Variants in OSBPL9 observed in about 807,000 individuals in gnomAD.
OSBPL9 encodes oxysterol-binding protein-related protein 9.
Under a neutral mutation model 106.6 loss-of-function variants are expected in OSBPL9, and 40 were observed. The ratio of observed to expected loss-of-function variants is 0.38; its 90% CI spans 0.29 to 0.49. OSBPL9 has a LOEUF of 0.49. Ranked by LOEUF, OSBPL9 falls within the 20% of genes least tolerant of loss-of-function variation. The pLI is 0.97. For synonymous variants in OSBPL9, 269 were observed against 295.4 expected (o/e 0.91, Z 0.92); for missense variants, 609 against 887.2 (o/e 0.69, Z 3.98).
the OSBPL9 span, among the ~76,000 whole-genome samples, chr1:51,527,398 T>TA: frequency 6.6e-6 from 1 of 152,014 alleles, no homozygotes; most frequent in Non-Finnish European, 1.5e-5. Flanking sequence ...TTATCTTTTT[T>TA]AAAAAATTTT....
intron 4 of OSBPL9, among the ~76,000 whole-genome samples, chr1:51,727,331 T>A (rs1365160460): frequency 6.6e-6 from 1 of 152,204 alleles, no homozygotes. Context: ...GTTTATAGTT[T>A]ATTGTTATTT....
the OSBPL9 span, among the ~76,000 whole-genome samples, chr1:51,536,657 C>T: frequency 6.6e-6 from 1 of 152,120 alleles, no homozygotes; most frequent in Non-Finnish European, 1.5e-5. Flanking sequence ...TAGAATAGTT[C>T]CCCAGTCTTT....
chr1:51,651,690 T>C (rs1165932094), intron 1 of OSBPL9, among the ~76,000 whole-genome samples: 1 of 152,088 alleles, frequency 6.6e-6, no homozygotes, highest in Non-Finnish European at 1.5e-5. Context: ...TCTGACTCTC[T>C]AAAGTATGAG....
At chr1:51,586,135 C>T (rs1488886549) in intron 1 of OSBPL9, among the ~76,000 whole-genome samples, 50 of 151,866 alleles carry the variant, frequency 3.3e-4, no homozygotes, top group Non-Finnish European at 1.6e-4. Flanking sequence ...GATCGTGCCA[C>T]TGCACTCCAG....
upstream of OSBPL9, chr1:51,614,548 T>C (rs1644011293): frequency 6.6e-6 from 1 of 152,146 alleles, no homozygotes; most frequent in Non-Finnish European, 1.5e-5. Flanking sequence ...GAAGCGATTC[T>C]CCCACCTCAA....
At chr1:51,547,787 G>A in the OSBPL9 span, among the ~76,000 whole-genome samples, 1 of 152,004 alleles carries the variant, frequency 6.6e-6, no homozygotes, top group African/African-American at 2.4e-5. Flanking sequence ...GGAGGTCGAA[G>A]CTGCAGGGAG....
In OSBPL9 at chr1:51,697,684, G is replaced by A. The variant is rs138507660; in HGVS notation, c.242-16319G>A. 3.6e-3 allele frequency among the ~76,000 whole-genome samples: 544 copies of A among 151,456 alleles called. 4 individuals carry two copies. The highest frequency in any genetic ancestry group is 0.012 in the African/African-American group (500 of 41,226). ...TTAGGTTGTGTGAGTTACGCTGGAA[G>A]AGTGAAATCTTTTGAATAACTTCAT... On this transcript the variant is annotated intron_variant, in intron 3 of 23. Coordinates refer to ENST00000428468, the MANE Select transcript of OSBPL9 (RefSeq NM_024586.6).
intron 4 of OSBPL9, among the ~76,000 whole-genome samples, chr1:51,735,976 A>G (rs906316322): frequency 4.6e-5 from 7 of 152,176 alleles, no homozygotes; most frequent in East Asian, 1.9e-4. Context: ...AAATAACTCT[A>G]TGAGTTATTT....
At chr1:51,684,598 T>G (rs1256774868) in intron 3 of OSBPL9, among the ~76,000 whole-genome samples, 1 of 150,124 alleles carries the variant, frequency 6.7e-6, no homozygotes, top group African/African-American at 2.5e-5. Context: ...TGGCATGATC[T>G]TGGCTCACTG....
chr1:51,622,146 TG>T (rs1360938564), intron 1 of OSBPL9, among the ~76,000 whole-genome samples: 2 of 152,158 alleles, frequency 1.3e-5, no homozygotes, highest in Non-Finnish European at 2.9e-5. Flanking sequence ...CAGCTTGAGC[TG>T]GTTGAATGAT....
chr1:51,541,120 G>A, the OSBPL9 span, among the ~76,000 whole-genome samples: 2 of 152,100 alleles, frequency 1.3e-5, no homozygotes, highest in Non-Finnish European at 2.9e-5. Context: ...AACAGAGTGA[G>A]ACTCTGTCTC....
chr1:51,551,100 CA>C, the OSBPL9 span, among the ~76,000 whole-genome samples: 1 of 152,110 alleles, frequency 6.6e-6, no homozygotes, highest in Admixed American at 6.6e-5. Flanking sequence ...TCACACAGAG[CA>C]AAGGGAGCGG....
chr1:51,547,354 A>G, the OSBPL9 span, among the ~76,000 whole-genome samples: 1 of 152,258 alleles, frequency 6.6e-6, no homozygotes, highest in Non-Finnish European at 1.5e-5. Flanking sequence ...AGATGAAGGC[A>G]TTTTAAAACA....
Position 51,772,670 on chromosome 1 carries a change from A to T in OSBPL9, c.1117A>T (p.Ser373Cys). ...AEAGSVEEHK[S>C]VIMHLLSQVR... ...GGCAGGGTCTGTGGAGGAGCACAAG[A>T]GCGTTATCATGCATCTCTTGTCGCA... Residue 373 changes from serine (S) to cysteine (C), a missense_variant, in exon 14 of 24, where the codon AGC becomes TGC. By Grantham distance (112) the Ser-to-Cys change is moderately radical (BLOSUM62 -1). Transcript: ENST00000428468. 1 of 1,614,170 alleles carries T rather than the reference A, an allele frequency of 6.2e-7. No individual in the cohort carries two copies. The highest frequency in any genetic ancestry group is 8.5e-7 in the Non-Finnish European group (1 of 1,180,038).
intron 2 of OSBPL9, among the ~76,000 whole-genome samples, chr1:51,656,575 C>G (rs961206638): frequency 1.3e-5 from 2 of 152,072 alleles, no homozygotes; most frequent in Non-Finnish European, 2.9e-5. Context: ...CCTTTCTAAT[C>G]CGCATACTTC....
At chr1:51,637,559 G>A (rs1187139409) in intron 1 of OSBPL9, among the ~76,000 whole-genome samples, 1 of 152,178 alleles carries the variant, frequency 6.6e-6, no homozygotes, top group African/African-American at 2.4e-5. Flanking sequence ...AAATAAAATA[G>A]TATTTAAAGC....
the OSBPL9 span, among the ~76,000 whole-genome samples, chr1:51,536,468 T>C: frequency 2.6e-5 from 4 of 152,066 alleles, no homozygotes; most frequent in Non-Finnish European, 4.4e-5. Context: ...CGCACCACTA[T>C]GCCTGGCTAA....
intron 1 of OSBPL9, among the ~76,000 whole-genome samples, chr1:51,588,118 C>A (rs1645256593): frequency 6.6e-6 from 1 of 152,226 alleles, no homozygotes; most frequent in Non-Finnish European, 1.5e-5. Context: ...CATGGTGGCT[C>A]ATGCCTGTAA....
At chr1:51,784,383 GC>G in intron 19 of OSBPL9, 56 bp downstream of exon 19, 1 of 1,611,138 alleles carries the variant, frequency 6.2e-7, no homozygotes, top group Non-Finnish European at 8.5e-7. Flanking sequence ...CTTGAGACAT[GC>G]CCCTTCCCCC....
Sources: gnomAD v4.1 joint callset for allele counts (sites outside exome capture counted in the v4.1 genomes callset) on GRCh38, gnomAD v4.1.1 for gene constraint, MANE v1.5 for transcripts, NCBI Gene and HGNC (gene_info 2026-07-23, HGNC 2026-07-21) for gene names.